Variants in IQGAP2 observed in about 807,000 individuals in gnomAD.
IQGAP2 encodes IQ motif containing GTPase activating protein 2.
A neutral mutation model predicts 201.3 loss-of-function variants in IQGAP2; 173 were observed. The ratio of observed to expected loss-of-function variants is 0.86; its 90% CI spans 0.76 to 0.98. The LOEUF (loss-of-function observed/expected upper bound fraction) is 0.98. IQGAP2 is among the 50% of genes least tolerant of loss of function. The pLI is 0.00. For missense variants in IQGAP2, 1,687 were observed against 1,864.8 expected (o/e 0.90, Z 1.76); for synonymous variants, 675 against 673.9 (o/e 1.00, Z -0.03).
intron 34 of IQGAP2, 86 bp downstream of exon 34, chr5:76,701,299 G>A: frequency 3.1e-6 from 4 of 1,280,832 alleles, no homozygotes; most frequent in Non-Finnish European, 4.5e-6. Context: ...GTCTAGCAAG[G>A]CTTAACCTCA....
chr5:76,601,147 G>A (rs1747403860), intron 11 of IQGAP2, among the ~76,000 whole-genome samples, 175 bp downstream of exon 11: 1 of 152,144 alleles, frequency 6.6e-6, no homozygotes, highest in Admixed American at 6.6e-5. Flanking sequence ...TATTCCTTCT[G>A]GGGAACAAGA....
chr5:76,673,887 T>A (rs960256105), intron 25 of IQGAP2, 65 bp from the exon 26 acceptor site: 2 of 935,202 alleles, frequency 2.1e-6, no homozygotes, highest in African/African-American at 3.3e-5. Flanking sequence ...GAACAATTGC[T>A]GTGTGTTTTT....
intron 12 of IQGAP2, among the ~76,000 whole-genome samples, chr5:76,608,641 G>A (rs1390221006): frequency 6.6e-6 from 1 of 152,178 alleles, no homozygotes; most frequent in Non-Finnish European, 1.5e-5. Context: ...GGTGAGGTAA[G>A]CAGCTAATGG....
At chr5:76,661,790 A>G (rs1255682586) in intron 21 of IQGAP2, among the ~76,000 whole-genome samples, 2 of 152,146 alleles carry the variant, frequency 1.3e-5, no homozygotes, top group South Asian at 2.1e-4. Context: ...AGATACCCAT[A>G]TCTTTTATGA....
At chr5:76,693,519 T>C (rs924507440) in intron 31 of IQGAP2, 77 bp downstream of exon 31, 1 of 952,728 alleles carries the variant, frequency 1.0e-6, no homozygotes, top group African/African-American at 1.7e-5. Context: ...ATATGTTTAT[T>C]ATCTCAGAGA....
intron 23 of IQGAP2, among the ~76,000 whole-genome samples, chr5:76,669,658 C>T (rs1005592888): frequency 2.6e-5 from 4 of 152,030 alleles, no homozygotes; most frequent in Non-Finnish European, 5.9e-5. Flanking sequence ...GGAAATAAGG[C>T]ACAATGGTGG....
At chr5:76,527,348 G>A (rs1759033171) in intron 2 of IQGAP2, among the ~76,000 whole-genome samples, 1 of 152,168 alleles carries the variant, frequency 6.6e-6, no homozygotes. Context: ...TGAATCAGGA[G>A]CTGCTTAAGG....
intron 2 of IQGAP2, chr5:76,547,426 T>C (rs1743163810): frequency 1.0e-6 from 1 of 981,400 alleles, no homozygotes; most frequent in Non-Finnish European, 1.2e-6. Flanking sequence ...GGAAGTCAAG[T>C]GTAGGAAGGA....
In IQGAP2 at chr5:76,700,946, A is replaced by T. The variant is rs1266031880; in HGVS notation, c.4368-130A>T. On this transcript the variant is annotated intron_variant, in intron 33 of 35. Coordinates refer to ENST00000274364, the MANE Select transcript of IQGAP2 (RefSeq NM_006633.5). Reference sequence around the variant, plus strand: ...CAAAATTACCTACTATCACAAAATAAAAAAGTGTATATTCAGCGCTCTGAG... The same window carrying T: ...CAAAATTACCTACTATCACAAAATATAAAAGTGTATATTCAGCGCTCTGAG... 6 of 845,984 alleles carry T rather than the reference A, an allele frequency of 7.1e-6. No homozygotes were observed. In the East Asian group the frequency reaches 1.6e-4, roughly 23 times the overall value. The allele number at this position is 845,984 out of a possible 1,614,324, so 52.4% of individuals were successfully genotyped here.
chr5:76,440,077 CT>C (rs1221069035), intron 1 of IQGAP2, among the ~76,000 whole-genome samples: 1 of 152,184 alleles, frequency 6.6e-6, no homozygotes, highest in Non-Finnish European at 1.5e-5. Flanking sequence ...ATTTGCTTGT[CT>C]GGAAAAGACT....
chr5:76,435,547 TCTA>T (rs1234254132), intron 1 of IQGAP2, among the ~76,000 whole-genome samples: 1 of 152,322 alleles, frequency 6.6e-6, no homozygotes, highest in East Asian at 1.9e-4. Flanking sequence ...GGTCTGTGTA[TCTA>T]CTTTTATACC....
chr5:76,523,778 C>A (rs544887873), intron 2 of IQGAP2, among the ~76,000 whole-genome samples: 1 of 152,138 alleles, frequency 6.6e-6, no homozygotes, highest in Non-Finnish European at 1.5e-5. Flanking sequence ...AATCGCATTT[C>A]TTTTAATTTG....
At chr5:76,593,217 A>G (rs1346974909) in intron 9 of IQGAP2, among the ~76,000 whole-genome samples, 1 of 152,194 alleles carries the variant, frequency 6.6e-6, no homozygotes, top group Non-Finnish European at 1.5e-5. Flanking sequence ...CTAATACTGA[A>G]GGTCATTTAG....
At chr5:76,527,889 ACCT>A (rs2150202914) in intron 2 of IQGAP2, among the ~76,000 whole-genome samples, 1 of 152,190 alleles carries the variant, frequency 6.6e-6, no homozygotes, top group African/African-American at 2.4e-5. Context: ...TTGCTAACTA[ACCT>A]CCTGTTTTTG....
At chr5:76,546,305 G>A (rs1002666652) in intron 2 of IQGAP2, among the ~76,000 whole-genome samples, 2 of 152,142 alleles carry the variant, frequency 1.3e-5, no homozygotes, top group Admixed American at 1.3e-4. Context: ...GTGTGGTGGC[G>A]TGTGCCTGTA....
intron 1 of IQGAP2, among the ~76,000 whole-genome samples, chr5:76,447,343 A>G (rs1753450876): frequency 6.6e-6 from 1 of 152,208 alleles, no homozygotes; most frequent in Admixed American, 6.5e-5. Context: ...CCAATCATCT[A>G]TCGCCTGAGA....
At chr5:76,445,953 G>A (rs1021108144) in intron 1 of IQGAP2, among the ~76,000 whole-genome samples, 4 of 152,034 alleles carry the variant, frequency 2.6e-5, no homozygotes, top group South Asian at 2.1e-4. Context: ...TTCTTTTTGC[G>A]ACTGGCTAAT....
chr5:76,533,758 T>C (rs1165319709), intron 2 of IQGAP2, among the ~76,000 whole-genome samples: 1 of 152,178 alleles, frequency 6.6e-6, no homozygotes, highest in Non-Finnish European at 1.5e-5. Flanking sequence ...CAGGATGGTC[T>C]CAATCTCCTG....
intron 17 of IQGAP2, among the ~76,000 whole-genome samples, chr5:76,647,823 CCACACA>C (rs374577768): frequency 9.6e-5 from 6 of 62,582 alleles, no homozygotes; most frequent in African/African-American, 2.3e-4. Context: ...TAGCCAAACA[CCACACA>C]CACACACACA....
Sources: gnomAD v4.1 joint callset for allele counts (sites outside exome capture counted in the v4.1 genomes callset) on GRCh38, gnomAD v4.1.1 for gene constraint, MANE v1.5 for transcripts, NCBI Gene and HGNC (gene_info 2026-07-23, HGNC 2026-07-21) for gene names.